DLGAP4: variants seen among roughly 807,000 people sequenced by gnomAD.
The protein encoded by DLGAP4 is disks large-associated protein 4.
A neutral mutation model predicts 86.9 loss-of-function variants in DLGAP4; 18 were observed. That is an observed-to-expected ratio of 0.21 (90% CI 0.14 to 0.31). The LOEUF (loss-of-function observed/expected upper bound fraction) is 0.31, where lower values mean the gene tolerates loss of function less well. DLGAP4 is among the 10% of genes least tolerant of loss of function. The pLI is 1.00. For missense variants in DLGAP4, 1,085 were observed against 1,362.6 expected (o/e 0.80, Z 3.21); for synonymous variants, 548 against 574.3 (o/e 0.95, Z 0.65).
rs1198473726 is a variant in DLGAP4 at position 36,432,009 on chromosome 20, A to G, written c.292A>G (p.Asn98Asp). The change falls in exon 3 of 13, where the codon AAC becomes GAC. Residue 98 changes from asparagine to aspartate, a missense_variant. Coordinates refer to ENST00000339266, the MANE Select transcript of DLGAP4 (RefSeq NM_001365621.2). The surrounding 1 kb of genome is among the most constrained non-coding windows in gnomAD (Gnocchi z 6.5). ...CAGCCATGCCCAAGCCACCAAGATC[A>G]ACCGGCTGCCCGCCAACCTCCTGGA... is the stretch of plus-strand genomic sequence containing the variant. ...FPSHAQATKINRLPANLLDQF... is the reference protein window; with the variant it reads ...FPSHAQATKIDRLPANLLDQF... 13 of 1,614,048 alleles carry G rather than the reference A, an allele frequency of 8.1e-6. No individual in the cohort carries two copies. Among genetic ancestry groups the G allele is most frequent in the Non-Finnish European group, 1.1e-5 (13 of 1,180,048 alleles).
At chr20:36,516,668 G>GAAAAAAAAAA (rs747235286) in intron 10 of DLGAP4, among the ~76,000 whole-genome samples, 2 of 77,074 alleles carry the variant, frequency 2.6e-5, no homozygotes, top group Admixed American at 3.0e-4. Flanking sequence ...TCCGTCTCAG[G>GAAAAAAAAAA]AAAAAAAAAA....
chr20:36,525,626 C>T (rs2037704153), intron 11 of DLGAP4: 2 of 602,320 alleles, frequency 3.3e-6, no homozygotes, highest in Non-Finnish European at 2.9e-6. Flanking sequence ...GGAGTGCCTT[C>T]CTTGCCACAG....
At chr20:36,315,824 G>A (rs2065094257) in intron 1 of DLGAP4, among the ~76,000 whole-genome samples, 1 of 152,184 alleles carries the variant, frequency 6.6e-6, no homozygotes, top group Non-Finnish European at 1.5e-5. Flanking sequence ...ATGGGGTGTT[G>A]GCTGCCTGCC....
At chr20:36,415,909 C>T (rs758091325) in intron 2 of DLGAP4, among the ~76,000 whole-genome samples, 1 of 152,152 alleles carries the variant, frequency 6.6e-6, no homozygotes, top group Non-Finnish European at 1.5e-5. Flanking sequence ...CTCATCCCCT[C>T]AACTCAGACT....
chr20:36,383,929 G>A (rs990705657), intron 2 of DLGAP4, among the ~76,000 whole-genome samples: 8 of 150,226 alleles, frequency 5.3e-5, no homozygotes, highest in Admixed American at 4.0e-4. Context: ...GAGCCTCATG[G>A]CACTCCTTAG....
At chr20:36,520,115 T>C (rs971194199) in intron 10 of DLGAP4, among the ~76,000 whole-genome samples, 6 of 152,134 alleles carry the variant, frequency 3.9e-5, no homozygotes, top group African/African-American at 1.4e-4. Context: ...GAAGTATCAT[T>C]ATGGTTTTGA....
chr20:36,412,979 CTTTTTTTTTT>C (rs71184093), intron 2 of DLGAP4, among the ~76,000 whole-genome samples: 2 of 110,860 alleles, frequency 1.8e-5, no homozygotes, highest in Non-Finnish European at 3.6e-5. Context: ...GAACTCTTTT[CTTTTTTTTTT>C]TTTTTTTTGG....
intron 2 of DLGAP4, among the ~76,000 whole-genome samples, chr20:36,430,648 CAAAAAAAAAA>C (rs5841233): frequency 4.1e-4 from 24 of 58,964 alleles, no homozygotes; most frequent in African/African-American, 1.3e-3. Context: ...GACCTTGTTG[CAAAAAAAAAA>C]AAAAAAAAAA....
chr20:36,310,871 A>G (rs2065047519), intron 1 of DLGAP4, among the ~76,000 whole-genome samples: 1 of 152,170 alleles, frequency 6.6e-6, no homozygotes, highest in Non-Finnish European at 1.5e-5. Context: ...AAAAGCTGTC[A>G]CCGAGGAGTC....
chr20:36,381,647 A>G (rs191472198), intron 2 of DLGAP4, among the ~76,000 whole-genome samples: 6 of 152,270 alleles, frequency 3.9e-5, no homozygotes, highest in Admixed American at 2.6e-4. Context: ...GCACTGGAGG[A>G]GTCTAGAGTC....
intron 10 of DLGAP4, among the ~76,000 whole-genome samples, chr20:36,521,444 C>G (rs1483790600): frequency 6.6e-6 from 1 of 152,188 alleles, no homozygotes; most frequent in Non-Finnish European, 1.5e-5. Flanking sequence ...AATTAAGACT[C>G]CCTTTTATTC....
intron 7 of DLGAP4, among the ~76,000 whole-genome samples, chr20:36,481,289 C>T (rs2035175930): frequency 6.6e-6 from 1 of 152,110 alleles, no homozygotes; most frequent in African/African-American, 2.4e-5. Flanking sequence ...CCCCACCTTC[C>T]TTTTCCCCTC....
At position 36,499,594 on chromosome 20, in the gene DLGAP4, T is replaced by C; in HGVS notation, c.2017T>C (p.Cys673Arg). Residue 673 changes from cysteine to arginine, a missense_variant, in exon 9 of 13, where the codon TGC becomes CGC. Coordinates refer to ENST00000339266, the MANE Select transcript of DLGAP4 (RefSeq NM_001365621.2). ...KLSSIGIQVD[C>R]IQPVPKEEPS... The stretch of plus-strand genomic sequence containing the variant: ...GTCGTTGTCCTTCAATAAGGTTGAC[T>C]GCATTCAGCCAGTGCCAAAAGAGGA... 6.2e-7 allele frequency: 1 copy of C among 1,614,054 alleles called. No homozygotes were observed. Among genetic ancestry groups the C allele is most frequent in the Non-Finnish European group, 8.5e-7 (1 of 1,179,976 alleles).
chr20:36,496,449 G>A (rs989915874), intron 7 of DLGAP4, among the ~76,000 whole-genome samples: 2 of 152,208 alleles, frequency 1.3e-5, no homozygotes, highest in African/African-American at 4.8e-5. Flanking sequence ...TGACTGATGT[G>A]GGGGATATCT....
At chr20:36,501,157 C>T (rs1487622189) in intron 10 of DLGAP4, among the ~76,000 whole-genome samples, 3 of 151,846 alleles carry the variant, frequency 2.0e-5, no homozygotes, top group Non-Finnish European at 4.4e-5. Flanking sequence ...CCTCTGCCTC[C>T]CAAGTTCAAG....
At chr20:36,403,339 A>T (rs114609610) in intron 2 of DLGAP4, among the ~76,000 whole-genome samples, 1 of 152,192 alleles carries the variant, frequency 6.6e-6, no homozygotes, top group Non-Finnish European at 1.5e-5. Flanking sequence ...CAGAGCCCTC[A>T]TGACCTAAAC....
intron 10 of DLGAP4, among the ~76,000 whole-genome samples, chr20:36,515,044 C>A (rs562763933): frequency 1.3e-5 from 2 of 152,134 alleles, no homozygotes; most frequent in South Asian, 2.1e-4. Flanking sequence ...ACCAGTCACT[C>A]CAAGGACCAC....
rs549509556 is a variant in DLGAP4, at chr20:36,509,416, C to A, written c.2512+8805C>A. 2.0e-5 allele frequency among the ~76,000 whole-genome samples: 3 copies of A among 151,988 alleles called. No individual in the cohort carries two copies. The South Asian group carries it at 6.2e-4, about 32-fold the overall frequency. ...TGAAACCCCGTCTCTACTGAAAATA[C>A]AAAAATTAGCCGGGCGTGGTGGCAG... is the stretch of plus-strand genomic sequence containing the variant. On this transcript the variant is annotated intron_variant, in intron 10 of 12. Transcript: ENST00000339266.
chr20:36,454,272 AGAT>A (rs869139965), intron 7 of DLGAP4, among the ~76,000 whole-genome samples: 59 of 151,470 alleles, frequency 3.9e-4, no homozygotes, highest in African/African-American at 9.4e-4. Flanking sequence ...AAAAAAAAAA[AGAT>A]AGAAAGAAAG....
Sources: gnomAD v4.1 joint callset for allele counts (sites outside exome capture counted in the v4.1 genomes callset) on GRCh38, gnomAD v4.1.1 for gene constraint, Gnocchi (gnomAD v3.1) non-coding constraint, MANE v1.5 for transcripts, NCBI Gene and HGNC (gene_info 2026-07-23, HGNC 2026-07-21) for gene names.